Variants in FHIT observed in about 807,000 individuals in gnomAD.
FHIT encodes the protein bis(5'-adenosyl)-triphosphatase.
Under a neutral mutation model 17.9 loss-of-function variants are expected in FHIT, and 19 were observed. That is an observed-to-expected ratio of 1.06 (90% confidence interval 0.74 to 1.56). FHIT has a LOEUF of 1.56. Among genes scored for constraint, FHIT ranks in the 40% most tolerant of loss-of-function variants. FHIT has a pLI of 0.00. For missense variants in FHIT, 248 were observed against 189.2 expected (o/e 1.31, Z -1.82); for synonymous variants, 81 against 69.7 (o/e 1.16, Z -0.81).
intron 5 of FHIT, among the ~76,000 whole-genome samples, chr3:60,200,040 A>C (rs1702826417): frequency 6.6e-6 from 1 of 152,160 alleles, no homozygotes; most frequent in Non-Finnish European, 1.5e-5. Context: ...TGTGTGATTC[A>C]GAAGAGGGTG....
intron 5 of FHIT, among the ~76,000 whole-genome samples, chr3:60,289,944 C>T (rs770468709): frequency 6.6e-6 from 1 of 152,200 alleles, no homozygotes; most frequent in Non-Finnish European, 1.5e-5. Flanking sequence ...TCCCTCCTGG[C>T]CCACTACAGT....
At chr3:60,354,857 C>A (rs1347115546) in intron 5 of FHIT, among the ~76,000 whole-genome samples, 4 of 152,100 alleles carry the variant, frequency 2.6e-5, no homozygotes, top group Admixed American at 6.6e-5. Flanking sequence ...TAAAATTGGA[C>A]TTGACTTTGA....
intron 7 of FHIT, among the ~76,000 whole-genome samples, chr3:60,001,004 T>A (rs944540475): frequency 4.6e-5 from 7 of 152,192 alleles, no homozygotes; most frequent in Non-Finnish European, 7.3e-5. Context: ...CGCCTGTCGT[T>A]CCCTGTTCTG....
At chr3:60,368,370 G>A (rs910108684) in intron 5 of FHIT, among the ~76,000 whole-genome samples, 1 of 151,764 alleles carries the variant, frequency 6.6e-6, no homozygotes, top group African/African-American at 2.4e-5. Context: ...TTTTGAATGT[G>A]CACTTTCATG....
At chr3:59,896,007 G>C (rs1704053341) in intron 8 of FHIT, among the ~76,000 whole-genome samples, 1 of 152,200 alleles carries the variant, frequency 6.6e-6, no homozygotes, top group African/African-American at 2.4e-5. Context: ...TCAGGAAGTG[G>C]TTTAAAGTCA....
chr3:59,873,694 C>T (rs1317646897), intron 8 of FHIT, among the ~76,000 whole-genome samples: 1 of 152,132 alleles, frequency 6.6e-6, no homozygotes, highest in African/African-American at 2.4e-5. Flanking sequence ...AGCACACATG[C>T]CTCCAGACAA....
At chr3:59,913,494 A>G (rs1216468751) in intron 8 of FHIT, among the ~76,000 whole-genome samples, 1 of 152,168 alleles carries the variant, frequency 6.6e-6, no homozygotes, top group Non-Finnish European at 1.5e-5. Flanking sequence ...ATTCAATGGT[A>G]TGAATGATAT....
chr3:61,204,907 T>C lies in FHIT; in HGVS notation c.-212-4242A>G, dbSNP rs556014029. On this transcript the variant is annotated intron_variant, in intron 1 of 9. Transcript: ENST00000492590. ...GTTACATATGTATACATGTGCCATGTTGGTGTGCTGCACCCATTAACTCAT... is the reference window on the plus strand; with the variant it reads ...GTTACATATGTATACATGTGCCATGCTGGTGTGCTGCACCCATTAACTCAT... 8.4e-4 allele frequency among the ~76,000 whole-genome samples: 128 copies of C among 152,208 alleles called. 1 individual carries two copies. The Middle Eastern group carries it at 0.01, about 12-fold the overall frequency.
intron 5 of FHIT, among the ~76,000 whole-genome samples, chr3:60,214,856 G>C (rs1166888141): frequency 1.3e-5 from 2 of 152,116 alleles, no homozygotes; most frequent in Non-Finnish European, 2.9e-5. Flanking sequence ...ATGAAATTAT[G>C]TCCTTTGCAG....
At chr3:59,898,641 T>C (rs978351131) in intron 8 of FHIT, among the ~76,000 whole-genome samples, 33 of 152,296 alleles carry the variant, frequency 2.2e-4, no homozygotes, top group African/African-American at 7.9e-4. Context: ...ACAGAATCTT[T>C]TTTTTTCTTC....
chr3:60,746,987 G>T (rs1577154925), intron 4 of FHIT, among the ~76,000 whole-genome samples: 2 of 152,048 alleles, frequency 1.3e-5, no homozygotes, highest in African/African-American at 4.8e-5. Context: ...CCAGATGTAG[G>T]TACTGTAACC....
intron 8 of FHIT, among the ~76,000 whole-genome samples, chr3:59,900,543 T>C (rs1187630726): frequency 1.3e-5 from 2 of 152,156 alleles, no homozygotes; most frequent in African/African-American, 2.4e-5. Context: ...TGCACTTGAA[T>C]CCCCCATGTC....
chr3:60,903,975 C>G (rs1427699261), intron 3 of FHIT, among the ~76,000 whole-genome samples: 4 of 152,174 alleles, frequency 2.6e-5, no homozygotes, highest in Non-Finnish European at 4.4e-5. Flanking sequence ...AAAAGCTGAG[C>G]CTTCCCTCCC....
intron 4 of FHIT, among the ~76,000 whole-genome samples, chr3:60,709,939 T>G (rs1577097385): frequency 6.6e-6 from 1 of 152,124 alleles, no homozygotes; most frequent in South Asian, 2.1e-4. Context: ...TGCAGAAAAA[T>G]AGTGTTCCAT....
At chr3:60,251,155 A>G (rs1053457923) in intron 5 of FHIT, among the ~76,000 whole-genome samples, 8 of 152,180 alleles carry the variant, frequency 5.3e-5, no homozygotes, top group Non-Finnish European at 1.2e-4. Context: ...AGCTATTCCA[A>G]TTGCATTTAC....
At chr3:61,243,548 T>G (rs1160390192) in intron 1 of FHIT, among the ~76,000 whole-genome samples, 1 of 152,206 alleles carries the variant, frequency 6.6e-6, no homozygotes, top group Admixed American at 6.5e-5. Context: ...TTCATTTCAA[T>G]GGTTCATTTC....
At chr3:59,794,477 A>C (rs1699697801) in intron 8 of FHIT, among the ~76,000 whole-genome samples, 2 of 152,160 alleles carry the variant, frequency 1.3e-5, no homozygotes, top group Admixed American at 6.5e-5. Context: ...AATTCAAGAG[A>C]TCACTCATTC....
At chr3:60,557,239 C>T (rs2036772167) in intron 4 of FHIT, among the ~76,000 whole-genome samples, 1 of 152,088 alleles carries the variant, frequency 6.6e-6, no homozygotes, top group Non-Finnish European at 1.5e-5. Context: ...GTGATGGAGC[C>T]GAGATTTGTA....
chr3:60,177,904 T>TC lies in FHIT; in HGVS notation c.104-163753dup, dbSNP rs1342856760. On this transcript the variant is annotated intron_variant, in intron 5 of 9. Coordinates refer to ENST00000492590, the MANE Select transcript of FHIT (RefSeq NM_002012.4). Reference sequence around the variant, plus strand: ...TGAATCTGAGAGGAGATAATGTACTTCAAGTCCCAAAGTATTTTGAGTTGC... The same window carrying TC: ...TGAATCTGAGAGGAGATAATGTACTTCCAAGTCCCAAAGTATTTTGAGTTGC... Among the ~76,000 whole-genome samples the TC allele has an allele frequency of 1.2e-4, 18 of 152,180 alleles. 1 individual carries two copies. Among genetic ancestry groups the TC allele is most frequent in the Admixed American group, 7.9e-4 (12 of 15,278 alleles).
Sources: allele counts gnomAD v4.1 joint callset (sites outside exome capture counted in the v4.1 genomes callset), GRCh38; gene constraint gnomAD v4.1.1; transcripts MANE v1.5; gene names NCBI Gene and HGNC (gene_info 2026-07-23, HGNC 2026-07-21).